The following BPTF variants were observed in gnomAD, a reference collection of about 807,000 sequenced individuals.
BPTF encodes the protein bromodomain PHD finger transcription factor, also known as nucleosome-remodeling factor subunit BPTF.
In BPTF, 18 loss-of-function variants were observed where a neutral mutation model predicts 292.5. The observed-to-expected ratio is 0.06, with a 90% CI of 0.04 to 0.09. The LOEUF (loss-of-function observed/expected upper bound fraction) is 0.09, where lower values mean the gene tolerates loss of function less well. Among genes scored for constraint, BPTF ranks in the 10% least tolerant of loss-of-function variants. BPTF has a pLI of 1.00. For synonymous variants in BPTF, 1,225 were observed against 1,251.9 expected (o/e 0.98, Z 0.45); for missense variants, 2,726 against 3,498.7 (o/e 0.78, Z 5.57).
At chr17:67,880,107 C>T (rs1410462152) in intron 4 of BPTF, among the ~76,000 whole-genome samples, 2 of 152,012 alleles carry the variant, frequency 1.3e-5, no homozygotes, top group Non-Finnish European at 2.9e-5. Flanking sequence ...ATAATAACAT[C>T]GTATCTTTTT....
intron 11 of BPTF, 110 bp downstream of exon 11, chr17:67,913,297 T>C: frequency 7.0e-7 from 1 of 1,430,260 alleles, no homozygotes; most frequent in Non-Finnish European, 9.3e-7. Flanking sequence ...ACAGGAAACA[T>C]ATTAATGGCC....
chr17:67,976,059 C>A (rs552555852), intron 27 of BPTF, 101 bp downstream of exon 27: 8 of 842,266 alleles, frequency 9.5e-6, no homozygotes, highest in South Asian at 3.0e-5. Context: ...GTAAATTTAA[C>A]CTTAAATATC....
chr17:67,862,744 T>C (rs1164964820), intron 2 of BPTF, among the ~76,000 whole-genome samples: 1 of 151,520 alleles, frequency 6.6e-6, no homozygotes, highest in African/African-American at 2.4e-5. Flanking sequence ...TTTTGGAGAA[T>C]AGAAGTCTAA....
intron 4 of BPTF, among the ~76,000 whole-genome samples, chr17:67,879,959 G>A (rs1370167517): frequency 6.6e-6 from 1 of 152,084 alleles, no homozygotes; most frequent in Non-Finnish European, 1.5e-5. Context: ...TGAGATTTTT[G>A]GCAGGACAAA....
At chr17:67,977,902 T>G (rs2069732928) in intron 27 of BPTF, 2 of 148,864 alleles carry the variant, frequency 1.3e-5, no homozygotes. Flanking sequence ...TTGCCCAGGC[T>G]GGAGTGCAAT....
intron 20 of BPTF, chr17:67,944,668 G>T (rs2065659569): frequency 2.4e-6 from 1 of 410,076 alleles, no homozygotes; most frequent in African/African-American, 2.0e-5. Context: ...AGCCTTGTAG[G>T]TGCTGATTCA....
intron 1 of BPTF, among the ~76,000 whole-genome samples, chr17:67,836,679 C>T (rs1347178987): frequency 6.6e-6 from 1 of 152,202 alleles, no homozygotes; most frequent in East Asian, 1.9e-4. Flanking sequence ...ATATCGTAGA[C>T]TTCAACACTC....
Position 67,943,966 on chromosome 17 carries a change from A to T in BPTF, c.6478-184A>T, listed in dbSNP as rs536240788. On this transcript the variant is annotated intron_variant, in intron 19 of 27. Coordinates refer to ENST00000306378, the MANE Select transcript of BPTF (RefSeq NM_182641.4). ...CTTGAACTGGAACTCTGGATTGTTG[A>T]TGTTTTTCCTACTAAGCAACATAAA... 3.9e-5 allele frequency among the ~76,000 whole-genome samples: 6 copies of T among 152,254 alleles called. No individual in the cohort carries two copies. In the East Asian group the frequency reaches 1.2e-3, roughly 29 times the overall value.
chr17:67,870,155 C>T (rs2059634321), intron 3 of BPTF, among the ~76,000 whole-genome samples: 2 of 152,082 alleles, frequency 1.3e-5, no homozygotes, highest in Admixed American at 1.3e-4. Flanking sequence ...CTGCAGTTAT[C>T]CTCTTAGTAC....
At chr17:67,971,868 G>A (rs1210626470) in intron 26 of BPTF, among the ~76,000 whole-genome samples, 1 of 151,256 alleles carries the variant, frequency 6.6e-6, no homozygotes, top group Non-Finnish European at 1.5e-5. Flanking sequence ...TTACACGTTA[G>A]CAAATTGAAC....
At chr17:67,966,483 T>G in intron 25 of BPTF, 89 bp from the exon 26 acceptor site, 1 of 1,150,930 alleles carries the variant, frequency 8.7e-7, no homozygotes, top group Non-Finnish European at 1.3e-6. Flanking sequence ...AAACTCACTT[T>G]TGGGTTCATT....
intron 26 of BPTF, chr17:67,974,146 T>G (rs1259603790): frequency 6.6e-6 from 1 of 152,242 alleles, no homozygotes; most frequent in Non-Finnish European, 1.5e-5. Context: ...TGATTGGAGA[T>G]TACTGGCCTT....
intron 1 of BPTF, among the ~76,000 whole-genome samples, chr17:67,833,219 A>C (rs1376333104): frequency 6.6e-6 from 1 of 151,986 alleles, no homozygotes; most frequent in African/African-American, 2.4e-5. Context: ...ATATTTGAAT[A>C]ACACTTCATT....
chr17:67,855,255 C>A (rs1291611855), intron 2 of BPTF, among the ~76,000 whole-genome samples: 1 of 152,114 alleles, frequency 6.6e-6, no homozygotes, highest in Non-Finnish European at 1.5e-5. Context: ...GAGCTGAGAT[C>A]ACACCACTGC....
At chr17:67,909,278 CCTT>C (rs796547669) in intron 9 of BPTF, among the ~76,000 whole-genome samples, 13,382 of 98,808 alleles carry the variant, frequency 0.14, 2,239 homozygotes, top group African/African-American at 0.36. Context: ...TCCCCCCCCC[CCTT>C]TTTTTTTTTA....
At chr17:67,855,645 C>T (rs1490846669) in intron 2 of BPTF, among the ~76,000 whole-genome samples, 1 of 152,114 alleles carries the variant, frequency 6.6e-6, no homozygotes, top group South Asian at 2.1e-4. Context: ...TCAGGGTTTA[C>T]CTCAGTCAGG....
chr17:67,924,655 C>T lies in BPTF; in HGVS notation c.5751+66C>T, dbSNP rs988971401. 28 of 1,550,464 alleles carry T rather than the reference C, an allele frequency of 1.8e-5. No homozygotes were observed. In the Admixed American group the frequency reaches 3.1e-4, roughly 17 times the overall value. ...TGGAGGCTCTTTCAAAACAAAAGCA[C>T]TTGACCTCCCATCAGCAGGGGGAGT... On this transcript the variant is annotated intron_variant, in intron 15 of 27. Coordinates refer to ENST00000306378, the MANE Select transcript of BPTF (RefSeq NM_182641.4).
intron 23 of BPTF, chr17:67,956,521 T>A (rs1167741855): frequency 2.0e-4 from 30 of 151,962 alleles, no homozygotes; most frequent in African/African-American, 7.2e-4. Context: ...TTTCGCCACG[T>A]TGGCCAGGCT....
At chr17:67,897,544 C>T (rs1054031539) in intron 7 of BPTF, among the ~76,000 whole-genome samples, 2 of 151,984 alleles carry the variant, frequency 1.3e-5, no homozygotes, top group Non-Finnish European at 2.9e-5. Flanking sequence ...CCCAACTCAT[C>T]GTGCCCCACC....
Sources: allele counts gnomAD v4.1 joint callset (sites outside exome capture counted in the v4.1 genomes callset), GRCh38; gene constraint gnomAD v4.1.1; transcripts MANE v1.5; gene names NCBI Gene and HGNC (gene_info 2026-07-23, HGNC 2026-07-21).